The following SNX24 variants were observed in gnomAD, a reference collection of about 807,000 sequenced individuals.
SNX24 encodes sorting nexin 24, also known as sorting nexin-24.
Under a neutral mutation model 28.7 loss-of-function variants are expected in SNX24, and 22 were observed. The ratio of observed to expected loss-of-function variants is 0.77; its 90% confidence interval spans 0.55 to 1.10. The LOEUF is 1.10. Ranked by LOEUF, SNX24 falls within the 50% of genes least tolerant of loss-of-function variation. The pLI is 0.00. For missense variants in SNX24, 221 were observed against 201.1 expected (o/e 1.10, Z -0.60); for synonymous variants, 69 against 71.5 (o/e 0.96, Z 0.18).
intron 1 of SNX24, among the ~76,000 whole-genome samples, chr5:122,901,201 CAA>C (rs58784065): frequency 2.3e-4 from 20 of 87,176 alleles, no homozygotes; most frequent in Admixed American, 2.5e-4. Context: ...AACTCCATCT[CAA>C]AAAAAAAAAA....
intron 1 of SNX24, among the ~76,000 whole-genome samples, chr5:122,918,531 TG>T (rs1363254506): frequency 4.6e-5 from 7 of 152,346 alleles, no homozygotes; most frequent in African/African-American, 1.7e-4. Flanking sequence ...TTGTCTTCTT[TG>T]CTAAGTTTTA....
intron 1 of SNX24, among the ~76,000 whole-genome samples, chr5:122,929,885 CTTTT>C (rs200495751): frequency 6.7e-6 from 1 of 149,146 alleles, no homozygotes; most frequent in African/African-American, 2.5e-5. Context: ...CTTTTTTTTT[CTTTT>C]TTTAATATTC....
chr5:122,964,247 C>CAAAAAAAAAAAAAAAAAAAAAAAAAAAA (rs34174497), intron 3 of SNX24, among the ~76,000 whole-genome samples: 24 of 36,574 alleles, frequency 6.6e-4, no homozygotes, highest in Non-Finnish European at 9.4e-4. Context: ...GACTCCATCT[C>CAAAAAAAAAAAAAAAAAAAAAAAAAAAA]AAAAAAAAAA....
chr5:122,853,352 C>T (rs896889525), intron 1 of SNX24, among the ~76,000 whole-genome samples: 3 of 152,060 alleles, frequency 2.0e-5, no homozygotes, highest in African/African-American at 7.2e-5. Flanking sequence ...TGGTCTCGAT[C>T]TCCTGACCTT....
intron 1 of SNX24, among the ~76,000 whole-genome samples, chr5:122,894,181 T>G (rs902049825): frequency 6.6e-6 from 1 of 152,214 alleles, no homozygotes; most frequent in Admixed American, 6.5e-5. Flanking sequence ...TTTATTTGGT[T>G]TAAAACTATA....
intron 1 of SNX24, among the ~76,000 whole-genome samples, chr5:122,897,765 A>G (rs1757266112): frequency 6.6e-6 from 1 of 152,256 alleles, no homozygotes; most frequent in African/African-American, 2.4e-5. Context: ...CCTGTAACAG[A>G]AGAAACTGTT....
chr5:122,926,030 C>A (rs1018521405), intron 1 of SNX24, among the ~76,000 whole-genome samples: 3 of 148,488 alleles, frequency 2.0e-5, no homozygotes, highest in Admixed American at 6.8e-5. Context: ...TGTGTGTGTG[C>A]ATGCACACAC....
intron 2 of SNX24, among the ~76,000 whole-genome samples, chr5:122,937,242 T>C (rs1169312814): frequency 6.6e-6 from 1 of 152,248 alleles, no homozygotes; most frequent in East Asian, 1.9e-4. Context: ...CATATACATG[T>C]ACTTCTGTAT....
chr5:122,870,484 G>C (rs962802838), intron 1 of SNX24, among the ~76,000 whole-genome samples: 5 of 152,184 alleles, frequency 3.3e-5, no homozygotes, highest in African/African-American at 1.2e-4. Flanking sequence ...TTGTTCCTTA[G>C]CCTGCAGCTT....
chr5:123,028,824 C>T (rs1405200676), intron 5 of SNX24: 1 of 1,613,754 alleles, frequency 6.2e-7, no homozygotes, highest in East Asian at 2.2e-5. Flanking sequence ...TCATGAAATC[C>T]TTGATGACAC....
At position 123,023,887 on chromosome 5, in the gene SNX24, G is replaced by A. The variant is rs757970988; in HGVS notation, n.384-5351G>A. 19 of 1,611,958 alleles carry A rather than the reference G, an allele frequency of 1.2e-5. No homozygotes were observed. In the Admixed American group the frequency reaches 1.7e-4, roughly 14 times the overall value. ...TCTGCCAGTTGTGTCACCAATCAGC[G>A]ATCTCAACCACAAAAGGCGTTTTCA... On this transcript the variant is annotated intron_variant and non_coding_transcript_variant, in intron 5 of 5. Coordinates refer to the SNX24 transcript ENST00000502387.
intron 3 of SNX24, among the ~76,000 whole-genome samples, chr5:122,961,725 C>A (rs1227373013): frequency 6.6e-6 from 1 of 152,172 alleles, no homozygotes; most frequent in African/African-American, 2.4e-5. Context: ...TCTTTTTGAT[C>A]TGTTAATAAC....
chr5:122,905,677 T>C (rs1326069514), intron 1 of SNX24, among the ~76,000 whole-genome samples: 1 of 152,222 alleles, frequency 6.6e-6, no homozygotes, highest in African/African-American at 2.4e-5. Context: ...GAACACCTGA[T>C]TGGAGATCTG....
At chr5:122,971,846 C>A (rs145002335) in intron 3 of SNX24, among the ~76,000 whole-genome samples, 1,604 of 149,656 alleles carry the variant, frequency 0.011, 44 homozygotes, top group Admixed American at 0.065. Flanking sequence ...ATTCCCTTTG[C>A]CCTCAGCCAG....
At position 122,982,611 on chromosome 5, in the gene SNX24, CAT is replaced by C. The variant is rs749008003; in HGVS notation, c.250-17299_250-17298del. Among the ~76,000 whole-genome samples the C allele has an allele frequency of 1.4e-4, 21 of 152,274 alleles. No individual in the cohort carries two copies. The East Asian group carries it at 4.0e-3, about 29-fold the overall frequency. On this transcript the variant is annotated intron_variant, in intron 3 of 6. Coordinates refer to ENST00000261369, the MANE Select transcript of SNX24 (RefSeq NM_014035.4). Reference sequence around the variant, plus strand: ...CCCAGCACAGAACAAGTTGTTAACACATAATGCCTTTGAGGAATTTAGGTTGG... The same window carrying C: ...CCCAGCACAGAACAAGTTGTTAACACAATGCCTTTGAGGAATTTAGGTTGG...
At chr5:122,889,628 T>TATATATATACACACATATATATATACAC (rs1561551705) in intron 1 of SNX24, among the ~76,000 whole-genome samples, 18 of 12,312 alleles carry the variant, frequency 1.5e-3, no homozygotes, top group South Asian at 0.013. Flanking sequence ...TATATACACA[T>TATATATATACACACATATATATATACAC]ATATATATAT....
chr5:122,889,916 ATTT>A (rs35217710), intron 1 of SNX24, among the ~76,000 whole-genome samples: 1 of 139,160 alleles, frequency 7.2e-6, no homozygotes. Context: ...CCTTGTTAGT[ATTT>A]TTTTTTTTTT....
Position 123,007,819 on chromosome 5 carries a change from A to G in SNX24, c.*70A>G, listed in dbSNP as rs1762469052. The stretch of plus-strand genomic sequence containing the variant: ...CAGTCAAGGAAATCAATACCTACCA[A>G]TTTAACCTAAACGCTATGATATATA... On this transcript the variant is annotated 3_prime_UTR_variant, in exon 7 of 7. Coordinates refer to ENST00000261369, the MANE Select transcript of SNX24 (RefSeq NM_014035.4). The G allele has an allele frequency of 6.4e-7, 1 of 1,569,838 alleles. No individual in the cohort carries two copies. The highest frequency in any genetic ancestry group is 8.6e-7 in the Non-Finnish European group (1 of 1,166,162).
chr5:122,884,251 C>CTTTT (rs758617172), intron 1 of SNX24, among the ~76,000 whole-genome samples: 44 of 92,774 alleles, frequency 4.7e-4, no homozygotes, highest in East Asian at 6.6e-4. Context: ...GTTTCTTTTT[C>CTTTT]TTTTTTTTTT....
Sources: allele counts gnomAD v4.1 joint callset (sites outside exome capture counted in the v4.1 genomes callset), GRCh38; gene constraint gnomAD v4.1.1; transcripts MANE v1.5; gene names NCBI Gene and HGNC (gene_info 2026-07-23, HGNC 2026-07-21).